The following SLC15A2 variants were observed in gnomAD, a reference collection of about 807,000 sequenced individuals.
SLC15A2 encodes kidney H(+)/peptide cotransporter.
In SLC15A2, 77 loss-of-function variants were observed where a neutral mutation model predicts 95.5. The ratio of observed to expected loss-of-function variants is 0.81; its 90% confidence interval spans 0.67 to 0.97. The LOEUF is 0.97. Ranked by LOEUF, SLC15A2 falls within the 50% of genes least tolerant of loss-of-function variation. The pLI is 0.00. For missense variants in SLC15A2, 893 were observed against 874.4 expected (o/e 1.02, Z -0.27); for synonymous variants, 306 against 306.9 (o/e 1.00, Z 0.03).
chr3:121,903,558 T>C (rs1278513518), intron 3 of SLC15A2, among the ~76,000 whole-genome samples: 1 of 152,208 alleles, frequency 6.6e-6, no homozygotes, highest in Non-Finnish European at 1.5e-5. Flanking sequence ...CAGTTTCAGC[T>C]TTCTACATAT....
intron 7 of SLC15A2, among the ~76,000 whole-genome samples, chr3:121,921,477 C>T (rs571271617): frequency 6.6e-6 from 1 of 151,680 alleles, no homozygotes; most frequent in Non-Finnish European, 1.5e-5. Context: ...AATATTCCTT[C>T]ATGTATAAAA....
chr3:121,916,576 G>T (rs994469839), intron 7 of SLC15A2, among the ~76,000 whole-genome samples: 3 of 152,074 alleles, frequency 2.0e-5, no homozygotes, highest in Admixed American at 6.5e-5. Flanking sequence ...GGTGAGCTGT[G>T]ATAATATATT....
At chr3:121,917,968 G>A (rs1033919541) in intron 7 of SLC15A2, among the ~76,000 whole-genome samples, 12 of 152,138 alleles carry the variant, frequency 7.9e-5, no homozygotes, top group African/African-American at 2.9e-4. Flanking sequence ...ATAATGAAGG[G>A]CCTTTTAAAC....
intron 19 of SLC15A2, among the ~76,000 whole-genome samples, chr3:121,933,533 C>T (rs1221546082): frequency 4.0e-5 from 6 of 151,892 alleles, no homozygotes; most frequent in East Asian, 1.9e-4. Context: ...CATTTTTTCA[C>T]GTGTTTTTTG....
At chr3:121,920,204 T>A (rs114412104) in intron 7 of SLC15A2, among the ~76,000 whole-genome samples, 1 of 152,260 alleles carries the variant, frequency 6.6e-6, no homozygotes, top group Non-Finnish European at 1.5e-5. Context: ...TCCTGTGGTG[T>A]CCAGCCTCTT....
Position 121,931,740 on chromosome 3 carries a change from G to A in SLC15A2, c.1761+5G>A. 1 of 1,545,740 alleles carries A rather than the reference G, an allele frequency of 6.5e-7. No homozygotes were observed. Among genetic ancestry groups the A allele is most frequent in the Non-Finnish European group, 8.9e-7 (1 of 1,117,934 alleles). On this transcript the variant is annotated splice_donor_5th_base_variant and intron_variant, in intron 19 of 21. Transcript: ENST00000489711. ...TATCTGTTTGTTATTACTAATGTAA[G>A]TAGCTCACAGCCACCTCTTTACCCT...
chr3:121,929,054 A>G lies in SLC15A2; in HGVS notation c.1414A>G (p.Asn472Asp), dbSNP rs2107603461. The change falls in exon 16 of 22, where the codon AAT (asparagine) becomes GAT (aspartate). Residue 472 changes from asparagine (N) to aspartate (D), a missense_variant. Physicochemically the swap from Asn to Asp is conservative, Grantham distance 23. Coordinates refer to ENST00000489711, the MANE Select transcript of SLC15A2 (RefSeq NM_021082.4). ...QDFHFHLKYHNLSLYTEHSVQ... is the reference protein window; with the variant it reads ...QDFHFHLKYHDLSLYTEHSVQ... ...TTTTCACTTCCACCTGAAATATCAC[A>G]ATTTGTCTCTCTACACTGAGCATTC... 1.2e-6 allele frequency: 2 copies of G among 1,614,152 alleles called. No individual in the cohort carries two copies. The highest frequency in any genetic ancestry group is 4.5e-5 in the East Asian group (2 of 44,872).
chr3:121,915,541 C>A, intron 6 of SLC15A2, 75 bp from the exon 7 acceptor site: 1 of 1,171,618 alleles, frequency 8.5e-7, no homozygotes, highest in Non-Finnish European at 1.3e-6. Context: ...TATTCAACAA[C>A]CTGAGCTTGT....
intron 19 of SLC15A2, among the ~76,000 whole-genome samples, chr3:121,938,412 C>T (rs879505842): frequency 2.9e-4 from 44 of 152,286 alleles, no homozygotes; most frequent in Admixed American, 5.9e-4. Context: ...TAGCAATCAG[C>T]GAGACTCCGT....
chr3:121,907,380 G>C (rs986274959), intron 3 of SLC15A2, among the ~76,000 whole-genome samples: 1 of 152,206 alleles, frequency 6.6e-6, no homozygotes, highest in Non-Finnish European at 1.5e-5. Flanking sequence ...TCTCCGTCCA[G>C]CTTTGTTCCA....
intron 3 of SLC15A2, among the ~76,000 whole-genome samples, chr3:121,901,877 C>G (rs1709527302): frequency 6.6e-6 from 1 of 151,602 alleles, no homozygotes; most frequent in African/African-American, 2.4e-5. Flanking sequence ...GGTGTGTTTA[C>G]TTTTATTCAC....
chr3:121,917,596 G>A (rs1452936326), intron 7 of SLC15A2, among the ~76,000 whole-genome samples: 48 of 152,118 alleles, frequency 3.2e-4, no homozygotes, highest in Admixed American at 3.1e-3. Context: ...GCTGAGATGG[G>A]AGGATCGCTT....
chr3:121,930,978 T>C (rs1710222057), intron 18 of SLC15A2, 28 bp downstream of exon 18: 1 of 1,427,816 alleles, frequency 7.0e-7, no homozygotes, highest in East Asian at 2.3e-5. Flanking sequence ...GTGGACATTT[T>C]ACTTTTGTCA....
intron 7 of SLC15A2, 67 bp from the exon 8 acceptor site, chr3:121,922,153 C>G (rs1341594233): frequency 3.7e-6 from 5 of 1,338,442 alleles, no homozygotes; most frequent in Non-Finnish European, 5.3e-6. Context: ...AATGGCAAAA[C>G]TGCAATAACC....
At chr3:121,935,815 T>C (rs1202202194) in intron 19 of SLC15A2, among the ~76,000 whole-genome samples, 1 of 152,162 alleles carries the variant, frequency 6.6e-6, no homozygotes, top group East Asian at 1.9e-4. Context: ...AGCTTTTGAA[T>C]GTGTTTGCTC....
chr3:121,902,116 C>T (rs994196648), intron 3 of SLC15A2, among the ~76,000 whole-genome samples: 25 of 152,262 alleles, frequency 1.6e-4, no homozygotes, highest in African/African-American at 6.0e-4. Context: ...GAGCTACATA[C>T]AGGAAAGACT....
At chr3:121,912,432 CCA>C (rs773409092) in intron 4 of SLC15A2, among the ~76,000 whole-genome samples, 46 of 152,114 alleles carry the variant, frequency 3.0e-4, no homozygotes, top group Non-Finnish European at 4.0e-4. Flanking sequence ...TGGGGTTTTA[CCA>C]TGTTGGCCAG....
At position 121,894,523 on chromosome 3, in the gene SLC15A2, C is replaced by T. The variant is rs1444839842; in HGVS notation, c.47C>T (p.Pro16Leu). Reference protein sequence around the residue: ...KNESKETLFSPVSIEEVPPRP... With the variant: ...KNESKETLFSLVSIEEVPPRP... ...GAGTCCAAGGAAACTCTTTTTTCAC[C>T]TGTCTCCATTGAAGAGGTACCACCT... is the stretch of plus-strand genomic sequence containing the variant. The change falls in exon 1 of 22, where the codon CCT becomes CTT. Residue 16 changes from proline to leucine, a missense_variant. Coordinates refer to ENST00000489711, the MANE Select transcript of SLC15A2 (RefSeq NM_021082.4). The T allele has an allele frequency of 3.1e-6, 5 of 1,613,454 alleles. No individual in the cohort carries two copies. The highest frequency in any genetic ancestry group is 1.1e-5 in the South Asian group (1 of 91,012).
rs1437243045 is a variant in SLC15A2, at chr3:121,934,691, C to A, written c.1761+2956C>A. 2.0e-5 allele frequency among the ~76,000 whole-genome samples: 3 copies of A among 152,138 alleles called. No homozygotes were observed. The East Asian group carries it at 5.8e-4, about 29-fold the overall frequency. On this transcript the variant is annotated intron_variant, in intron 19 of 21. Transcript: ENST00000489711. The stretch of plus-strand genomic sequence containing the variant: ...GAGACAATGGGGTTTTCTAGATATA[C>A]AATCATGTCGTCTGCAAATAGGGAC...
Sources: allele counts gnomAD v4.1 joint callset (sites outside exome capture counted in the v4.1 genomes callset), GRCh38; gene constraint gnomAD v4.1.1; transcripts MANE v1.5; gene names NCBI Gene and HGNC (gene_info 2026-07-23, HGNC 2026-07-21).